PCDH9: variants seen among roughly 807,000 people sequenced by gnomAD.
PCDH9 encodes protocadherin 9, also known as protocadherin-9.
In PCDH9, 24 loss-of-function variants were observed where a neutral mutation model predicts 70.6. The observed-to-expected ratio is 0.34, with a 90% CI of 0.25 to 0.48. PCDH9 has a LOEUF of 0.48. PCDH9 is among the 20% of genes least tolerant of loss of function. The pLI is 0.99. For missense variants in PCDH9, 1,281 were observed against 1,503.6 expected (o/e 0.85, Z 2.45); for synonymous variants, 562 against 558.5 (o/e 1.01, Z -0.09).
intron 4 of PCDH9, among the ~76,000 whole-genome samples, chr13:66,543,103 T>C (rs1430976774): frequency 6.6e-6 from 1 of 152,094 alleles, no homozygotes; most frequent in Non-Finnish European, 1.5e-5. Context: ...TACTCCATTC[T>C]ATATTCTCAT....
chr13:66,797,316 G>A (rs571750527), intron 3 of PCDH9, among the ~76,000 whole-genome samples: 2 of 152,200 alleles, frequency 1.3e-5, no homozygotes, highest in South Asian at 2.1e-4. Context: ...TCATCTTGGG[G>A]TTGATAATGA....
chr13:66,424,928 C>G (rs1957642540), intron 4 of PCDH9, among the ~76,000 whole-genome samples: 1 of 151,804 alleles, frequency 6.6e-6, no homozygotes, highest in Admixed American at 6.6e-5. Flanking sequence ...TAACTGGGAG[C>G]TTCACCAGTG....
At position 66,885,869 on chromosome 13, in the gene PCDH9, T is replaced by A. The variant is rs898961102; in HGVS notation, c.3138+17635A>T. 3.9e-5 allele frequency: 6 copies of A among 152,320 alleles called. No homozygotes were observed. In the South Asian group the frequency reaches 6.2e-4, roughly 16 times the overall value. The allele number at this position is 152,320 out of a possible 1,614,324, so 9.4% of individuals were successfully genotyped here. On this transcript the variant is annotated intron_variant, in intron 3 of 4. Coordinates refer to ENST00000377865, the MANE Select transcript of PCDH9 (RefSeq NM_203487.3). ...TACTTCTTCTCACGAAACTGTTTTC[T>A]TTATCTAAAAACTAATTTGTATTTA...
chr13:66,471,832 G>A (rs1230767015), intron 4 of PCDH9, among the ~76,000 whole-genome samples: 8 of 152,082 alleles, frequency 5.3e-5, no homozygotes, highest in Non-Finnish European at 1.0e-4. Flanking sequence ...GGGAAAGTGT[G>A]GGTTATTTGG....
intron 4 of PCDH9, among the ~76,000 whole-genome samples, chr13:66,580,489 A>T (rs1009361902): frequency 6.6e-6 from 1 of 151,906 alleles, no homozygotes; most frequent in Non-Finnish European, 1.5e-5. Context: ...AGTGCCTAAT[A>T]TTGTCAAATG....
At chr13:66,866,237 C>T (rs2081571840) in intron 3 of PCDH9, among the ~76,000 whole-genome samples, 2 of 152,166 alleles carry the variant, frequency 1.3e-5, no homozygotes, top group African/African-American at 2.4e-5. Flanking sequence ...AATCCCAGCA[C>T]TTTGGGAGGC....
At chr13:67,104,347 G>T (rs1432226600) in intron 2 of PCDH9, among the ~76,000 whole-genome samples, 3 of 152,240 alleles carry the variant, frequency 2.0e-5, no homozygotes, top group South Asian at 2.1e-4. Flanking sequence ...TCTTAGACAC[G>T]TGGAGCATTG....
chr13:66,726,664 T>C (rs113513384), intron 3 of PCDH9, among the ~76,000 whole-genome samples: 2,580 of 152,306 alleles, frequency 0.017, 82 homozygotes, highest in African/African-American at 0.059. Context: ...GTAGCTTGAA[T>C]GAAAAGTTGT....
intron 3 of PCDH9, among the ~76,000 whole-genome samples, chr13:66,772,887 A>G (rs532310215): frequency 6.6e-6 from 1 of 151,966 alleles, no homozygotes; most frequent in East Asian, 1.9e-4. Flanking sequence ...ATAGAGGTAC[A>G]CATTGTTTGG....
intron 2 of PCDH9, among the ~76,000 whole-genome samples, chr13:66,997,855 G>T (rs2084154143): frequency 6.6e-6 from 1 of 152,004 alleles, no homozygotes; most frequent in African/African-American, 2.4e-5. Flanking sequence ...TTCAACATGA[G>T]ATTTAGAGGG....
rs181539100 is a variant in PCDH9, at chr13:66,892,555, A to G, written c.3138+10949T>C. 1.3e-3 allele frequency among the ~76,000 whole-genome samples: 196 copies of G among 152,098 alleles called. 1 individual carries two copies. In the Middle Eastern group the frequency reaches 0.017, roughly 13 times the overall value. ...GTTGTAAAGTGTTTAGAAACCAGAAAAATTATGTTTATCTTATTTTTTAAA... is the reference window on the plus strand; with the variant it reads ...GTTGTAAAGTGTTTAGAAACCAGAAGAATTATGTTTATCTTATTTTTTAAA... On this transcript the variant is annotated intron_variant, in intron 3 of 4. Transcript: ENST00000377865.
At chr13:66,982,072 AGTTC>A (rs2083783627) in intron 2 of PCDH9, among the ~76,000 whole-genome samples, 1 of 152,068 alleles carries the variant, frequency 6.6e-6, no homozygotes, top group African/African-American at 2.4e-5. Context: ...CATGATAGTG[AGTTC>A]TCCTGAGATC....
chr13:67,182,781 T>C (rs555387776), intron 2 of PCDH9, among the ~76,000 whole-genome samples: 5 of 152,218 alleles, frequency 3.3e-5, no homozygotes, highest in African/African-American at 1.2e-4. Flanking sequence ...GGATAAAATT[T>C]ATTCTGGGGT....
At position 67,225,743 on chromosome 13, in the gene PCDH9, T is replaced by C. The variant is rs748010956; in HGVS notation, c.2698A>G (p.Ile900Val). The C allele has an allele frequency of 1.9e-6, 3 of 1,614,152 alleles. No individual in the cohort carries two copies. Among genetic ancestry groups the C allele is most frequent in the Non-Finnish European group, 2.5e-6 (3 of 1,179,984 alleles). The change falls in exon 2 of 5, where the codon ATC (isoleucine) becomes GTC (valine). Residue 900 changes from isoleucine (I) to valine (V), a missense_variant. Physicochemically the swap from Ile to Val is conservative, Grantham distance 29. Around this residue, in one of 4 missense-constraint regions of PCDH9, gnomAD observed 207 missense variants for 191.8 expected, o/e 1.08. Transcript: ENST00000377865. ...GCCGGCAGGCTTATTGTCCCATTGA[T>C]AGGTTCATGAACTGCATCATCGGGT... ...SKPDDAVHEP[I>V]NGTISLPAEL...
At chr13:67,030,026 G>T (rs929665305) in intron 2 of PCDH9, among the ~76,000 whole-genome samples, 2 of 152,072 alleles carry the variant, frequency 1.3e-5, no homozygotes, top group Admixed American at 1.3e-4. Flanking sequence ...ATTTCATCTT[G>T]CAGGAGTAGA....
rs1566507699 is a variant in PCDH9, at chr13:67,224,154, G to A, written c.3036+1251C>T. The A allele has an allele frequency of 2.0e-5, 3 of 152,166 alleles. No individual in the cohort carries two copies. In the South Asian group the frequency reaches 6.2e-4, roughly 31 times the overall value. The allele number at this position is 152,166 out of a possible 1,614,324, so 9.4% of individuals were successfully genotyped here. A position where few individuals can be genotyped will look rare whatever the true frequency, so the allele number is the denominator to read the frequency against. ...TTACTTGATTTTCTAAAATCTATGT[G>A]TTCCTTATTTATAAACAAGTACAGA... On this transcript the variant is annotated intron_variant, in intron 2 of 4. Transcript: ENST00000377865.
chr13:66,613,718 T>G (rs1273549301), intron 4 of PCDH9, among the ~76,000 whole-genome samples: 1 of 152,202 alleles, frequency 6.6e-6, no homozygotes, highest in Non-Finnish European at 1.5e-5. Context: ...GGTTTTCTTC[T>G]GCCTGTCTGT....
intron 2 of PCDH9, among the ~76,000 whole-genome samples, chr13:67,050,592 T>A (rs941544690): frequency 6.6e-6 from 1 of 152,196 alleles, no homozygotes; most frequent in East Asian, 1.9e-4. Context: ...CAGCTACATA[T>A]TGTTATTGTA....
At chr13:67,133,459 A>G (rs1382324611) in intron 2 of PCDH9, among the ~76,000 whole-genome samples, 4 of 152,150 alleles carry the variant, frequency 2.6e-5, no homozygotes, top group Non-Finnish European at 5.9e-5. Context: ...CTGAATTGGA[A>G]TTCCTACTTT....
Sources: gnomAD v4.1 joint callset for allele counts (sites outside exome capture counted in the v4.1 genomes callset) on GRCh38, gnomAD v4.1.1 for gene constraint, gnomAD v4.1.1 regional missense constraint, MANE v1.5 for transcripts, NCBI Gene and HGNC (gene_info 2026-07-23, HGNC 2026-07-21) for gene names.